Variants in INTS9 observed in about 807,000 individuals in gnomAD.
The protein encoded by INTS9 is integrator complex subunit 9.
A neutral mutation model predicts 79.7 loss-of-function variants in INTS9; 55 were observed. The ratio of observed to expected loss-of-function variants is 0.69; its 90% CI spans 0.56 to 0.86. The LOEUF is 0.86. INTS9 is among the 40% of genes least tolerant of loss of function. INTS9 has a pLI of 0.00. For synonymous variants in INTS9, 319 were observed against 325.2 expected (o/e 0.98, Z 0.20); for missense variants, 721 against 831.5 (o/e 0.87, Z 1.64).
chr8:28,773,588 G>A (rs1358196828), intron 14 of INTS9, among the ~76,000 whole-genome samples: 11 of 148,586 alleles, frequency 7.4e-5, no homozygotes, highest in Non-Finnish European at 1.6e-4. Flanking sequence ...GTCTCGCTAT[G>A]TTGCCCAAGC....
At chr8:28,815,511 G>C (rs532433752) in intron 6 of INTS9, among the ~76,000 whole-genome samples, 5 of 152,268 alleles carry the variant, frequency 3.3e-5, no homozygotes, top group African/African-American at 1.2e-4. Flanking sequence ...AGGCAAACAT[G>C]ACGCTTAAAG....
At chr8:28,771,605 C>T (rs753939403) in intron 14 of INTS9, among the ~76,000 whole-genome samples, 4 of 152,216 alleles carry the variant, frequency 2.6e-5, no homozygotes, top group South Asian at 2.1e-4. Flanking sequence ...ACCAAACGGG[C>T]AGAGGAAGCA....
At position 28,775,607 on chromosome 8, in the gene INTS9, C is replaced by T. The variant is rs7462400; in HGVS notation, c.1563+152G>A. On this transcript the variant is annotated intron_variant, in intron 14 of 16. Coordinates refer to ENST00000521022, the MANE Select transcript of INTS9 (RefSeq NM_018250.4). The stretch of plus-strand genomic sequence containing the variant: ...CCTCAAGTGATCCGCCCACCTTGGC[C>T]GCCCAAAGTGCTGGGATTATAGGCG... 6.3e-5 allele frequency: 52 copies of T among 831,070 alleles called. 2 individuals are homozygous for T. The Middle Eastern group carries it at 7.9e-3, about 126-fold the overall frequency. The allele number at this position is 831,070 out of a possible 1,614,324, so 51.5% of individuals were successfully genotyped here.
At chr8:28,838,786 G>A (rs917451235) in intron 4 of INTS9, among the ~76,000 whole-genome samples, 1 of 152,080 alleles carries the variant, frequency 6.6e-6, no homozygotes, top group African/African-American at 2.4e-5. Context: ...CTTCCAAAAT[G>A]CTGGGATTAC....
intron 2 of INTS9, among the ~76,000 whole-genome samples, chr8:28,852,367 T>C (rs1807894600): frequency 6.6e-6 from 1 of 152,060 alleles, no homozygotes; most frequent in African/African-American, 2.4e-5. Context: ...TTTTCTGCTG[T>C]AACTTTTCAG....
At chr8:28,806,985 G>C (rs1585386698) in intron 8 of INTS9, among the ~76,000 whole-genome samples, 1 of 151,916 alleles carries the variant, frequency 6.6e-6, no homozygotes, top group East Asian at 1.9e-4. Context: ...AGGAGATAAA[G>C]GGCAGAACAA....
chr8:28,860,489 T>C (rs901642725), intron 1 of INTS9, among the ~76,000 whole-genome samples: 124 of 151,940 alleles, frequency 8.2e-4, no homozygotes, highest in Admixed American at 2.2e-3. Context: ...TTTTTTTTTT[T>C]CCCTTGAGAT....
intron 2 of INTS9, 148 bp downstream of exon 2, chr8:28,859,287 GC>G (rs1808328768): frequency 1.2e-6 from 1 of 855,832 alleles, no homozygotes; most frequent in Admixed American, 2.9e-5. Flanking sequence ...CATCAGCTCA[GC>G]CAAAGGAAAT....
chr8:28,842,126 T>C (rs529202958), intron 4 of INTS9, among the ~76,000 whole-genome samples: 3 of 152,282 alleles, frequency 2.0e-5, no homozygotes, highest in South Asian at 2.1e-4. Flanking sequence ...ACTTTAGTGA[T>C]AGTAAAATAC....
chr8:28,782,646 T>G (rs550116341), intron 11 of INTS9, among the ~76,000 whole-genome samples: 1 of 152,242 alleles, frequency 6.6e-6, no homozygotes. Context: ...CTAGGCACAA[T>G]GGCTTACGCC....
At chr8:28,818,362 G>A (rs1461467663) in intron 6 of INTS9, among the ~76,000 whole-genome samples, 1 of 151,284 alleles carries the variant, frequency 6.6e-6, no homozygotes, top group African/African-American at 2.4e-5. Flanking sequence ...TTAGCATGAA[G>A]GGTTGTTGAA....
chr8:28,841,656 T>A (rs1373732626), intron 4 of INTS9, among the ~76,000 whole-genome samples: 1 of 152,136 alleles, frequency 6.6e-6, no homozygotes, highest in Admixed American at 6.5e-5. Flanking sequence ...AACTTTTGAC[T>A]CCCCCAAAAC....
At chr8:28,780,053 G>GTT (rs66631307) in intron 12 of INTS9, among the ~76,000 whole-genome samples, 2,229 of 137,104 alleles carry the variant, frequency 0.016, 103 homozygotes, top group Middle Eastern at 0.041. Flanking sequence ...TCAAATCAAG[G>GTT]TTTTTTTTTT....
intron 14 of INTS9, among the ~76,000 whole-genome samples, chr8:28,771,717 A>T (rs1486168537): frequency 6.6e-6 from 1 of 152,238 alleles, no homozygotes; most frequent in Non-Finnish European, 1.5e-5. Flanking sequence ...GCCGAGGAGC[A>T]GGGTGTGCGC....
At position 28,817,566 on chromosome 8, in the gene INTS9, T is replaced by A. The variant is rs1333763601; in HGVS notation, c.489-3954A>T. Among the ~76,000 whole-genome samples, 4 of 152,184 alleles carry A rather than the reference T, an allele frequency of 2.6e-5. No individual in the cohort carries two copies. In the South Asian group the frequency reaches 8.3e-4, roughly 32 times the overall value. ...TGTTTTGGTTACTGTAGCCTTGCAG[T>A]ATAGTTTGAAGTCAGGTAGCGTGAT... On this transcript the variant is annotated intron_variant, in intron 6 of 16. Transcript: ENST00000521022.
chr8:28,768,311 A>C lies in INTS9; in HGVS notation c.1812T>G (p.Ser604Arg). The change falls in exon 17 of 17, where the codon AGT (serine) becomes AGG (arginine). Residue 604 changes from serine (S) to arginine (R), a missense_variant. Ser to Arg is a moderately radical substitution (Grantham distance 110). Coordinates refer to ENST00000521022, the MANE Select transcript of INTS9 (RefSeq NM_018250.4). ...FVQTLEKHGF[S>R]DIKVEDTAKG... ...TGGCTGTGTCCTCCACCTTAATATCACTGAAGCCATGCTGCTCCAGAAGAA... is the reference window on the plus strand; with the variant it reads ...TGGCTGTGTCCTCCACCTTAATATCCCTGAAGCCATGCTGCTCCAGAAGAA... 1.2e-6 allele frequency: 2 copies of C among 1,613,320 alleles called. No individual in the cohort carries two copies. Among genetic ancestry groups the C allele is most frequent in the Non-Finnish European group, 1.7e-6 (2 of 1,179,984 alleles).
At chr8:28,841,102 C>T (rs1158769013) in intron 4 of INTS9, among the ~76,000 whole-genome samples, 9 of 152,158 alleles carry the variant, frequency 5.9e-5, no homozygotes, top group Non-Finnish European at 1.0e-4. Flanking sequence ...CATCGGCCCC[C>T]GAGGACAGGA....
At chr8:28,768,906 C>T (rs1453507975) in intron 16 of INTS9, among the ~76,000 whole-genome samples, 1 of 152,214 alleles carries the variant, frequency 6.6e-6, no homozygotes, top group Non-Finnish European at 1.5e-5. Context: ...GCAGGCTCCC[C>T]TAGGGACTTG....
chr8:28,795,221 C>T (rs762098414), intron 9 of INTS9, among the ~76,000 whole-genome samples: 8 of 152,132 alleles, frequency 5.3e-5, no homozygotes, highest in Non-Finnish European at 8.8e-5. Flanking sequence ...TGTGTGTCCC[C>T]CACAAGATTC....
Sources: gnomAD v4.1 joint callset for allele counts (sites outside exome capture counted in the v4.1 genomes callset) on GRCh38, gnomAD v4.1.1 for gene constraint, MANE v1.5 for transcripts, NCBI Gene and HGNC (gene_info 2026-07-23, HGNC 2026-07-21) for gene names.